The following LRP1B variants were observed in gnomAD, a reference collection of about 807,000 sequenced individuals.
The protein encoded by LRP1B is low-density lipoprotein receptor-related protein 1B.
LRP1B carries 217 observed loss-of-function variants against 556.6 expected under a neutral mutation model. The observed-to-expected ratio is 0.39, with a 90% CI of 0.35 to 0.44. The LOEUF (loss-of-function observed/expected upper bound fraction) is 0.44. LRP1B is among the 20% of genes least tolerant of loss of function. The pLI, the probability that LRP1B is intolerant of heterozygous loss-of-function variation, is 1.00. For missense variants in LRP1B, 5,053 were observed against 5,620.8 expected, an observed-to-expected ratio of 0.90 and a Z score of 3.23; for synonymous variants, 2,047 against 1,865.8, an observed-to-expected ratio of 1.10 and a Z score of -2.50.
intron 43 of LRP1B, among the ~76,000 whole-genome samples, chr2:140,590,988 T>C (rs967560208): frequency 8.5e-5 from 13 of 152,352 alleles, no homozygotes; most frequent in Middle Eastern, 3.4e-3. Flanking sequence ...TTCTTTACTT[T>C]TATCACATTT....
intron 28 of LRP1B, among the ~76,000 whole-genome samples, chr2:140,851,037 G>A (rs1692442420): frequency 6.6e-6 from 1 of 151,804 alleles, no homozygotes; most frequent in South Asian, 2.1e-4. Context: ...TTTAAATTTT[G>A]GTGAGTACTT....
chr2:140,878,567 T>C (rs1446901159), intron 25 of LRP1B, among the ~76,000 whole-genome samples: 2 of 152,174 alleles, frequency 1.3e-5, no homozygotes, highest in Non-Finnish European at 2.9e-5. Context: ...AGATCTTTCA[T>C]AGACAACAGG....
At chr2:140,254,164 A>T (rs186929718) in intron 86 of LRP1B, among the ~76,000 whole-genome samples, 1 of 152,292 alleles carries the variant, frequency 6.6e-6, no homozygotes, top group Admixed American at 6.5e-5. Flanking sequence ...GATGTCTGGC[A>T]TATTCAACTG....
At chr2:140,926,519 A>AT (rs1189283360) in intron 20 of LRP1B, among the ~76,000 whole-genome samples, 1 of 151,862 alleles carries the variant, frequency 6.6e-6, no homozygotes, top group East Asian at 1.9e-4. Context: ...TTAAAAAAAA[A>AT]ATCTGTACAT....
At chr2:141,147,486 A>T (rs889409230) in intron 7 of LRP1B, among the ~76,000 whole-genome samples, 1 of 152,188 alleles carries the variant, frequency 6.6e-6, no homozygotes, top group African/African-American at 2.4e-5. Flanking sequence ...AAATTATGCA[A>T]AAGTAAAATA....
chr2:141,140,961 GC>G (rs1701635919), intron 7 of LRP1B, among the ~76,000 whole-genome samples: 1 of 152,094 alleles, frequency 6.6e-6, no homozygotes, highest in Non-Finnish European at 1.5e-5. Context: ...GTTTAACTGT[GC>G]TGGTCCTTCG....
chr2:141,632,881 A>C (rs1688964758), intron 2 of LRP1B, among the ~76,000 whole-genome samples: 1 of 151,988 alleles, frequency 6.6e-6, no homozygotes, highest in Admixed American at 6.6e-5. Context: ...AAAAAAAAAA[A>C]AAAAAAAGTA....
intron 84 of LRP1B, among the ~76,000 whole-genome samples, chr2:140,280,004 T>G (rs893243633): frequency 6.6e-5 from 10 of 152,014 alleles, no homozygotes; most frequent in African/African-American, 2.4e-4. Context: ...TGAACTTACC[T>G]TTGTTGAAGT....
chr2:141,078,221 A>G (rs1027749584), intron 7 of LRP1B, among the ~76,000 whole-genome samples: 1 of 152,182 alleles, frequency 6.6e-6, no homozygotes, highest in African/African-American at 2.4e-5. Context: ...TGAACCTAGT[A>G]AGCAGTGTCT....
chr2:141,016,503 C>T (rs1697905160), intron 12 of LRP1B, among the ~76,000 whole-genome samples: 1 of 152,010 alleles, frequency 6.6e-6, no homozygotes, highest in Non-Finnish European at 1.5e-5. Context: ...TTTATTGCTG[C>T]TTATTATTAC....
chr2:140,759,921 C>T, intron 35 of LRP1B, among the ~76,000 whole-genome samples: 1 of 152,132 alleles, frequency 6.6e-6, no homozygotes. Flanking sequence ...CTTGAAAGAG[C>T]TTTTATTAAT....
At chr2:142,111,461 A>G (rs1163411842) in intron 1 of LRP1B, among the ~76,000 whole-genome samples, 2 of 152,146 alleles carry the variant, frequency 1.3e-5, no homozygotes, top group African/African-American at 4.8e-5. Flanking sequence ...CTCTCCTTGC[A>G]TTCAAGTATA....
chr2:140,551,326 G>A (rs1006818100), intron 43 of LRP1B, among the ~76,000 whole-genome samples: 1 of 152,148 alleles, frequency 6.6e-6, no homozygotes, highest in Non-Finnish European at 1.5e-5. Flanking sequence ...GGAAAGGGAA[G>A]GGCAAATAAG....
chr2:141,003,759 T>C (rs902093835), intron 15 of LRP1B, among the ~76,000 whole-genome samples: 2 of 151,994 alleles, frequency 1.3e-5, no homozygotes, highest in African/African-American at 2.4e-5. Flanking sequence ...CTAATGCAGA[T>C]AGTAATAGTA....
intron 66 of LRP1B, among the ~76,000 whole-genome samples, chr2:140,438,789 T>TC (rs1686300612): frequency 1.3e-5 from 2 of 152,246 alleles, no homozygotes; most frequent in African/African-American, 4.8e-5. Flanking sequence ...AAGAATCTTT[T>TC]TGATAACTCA....
At chr2:141,729,900 A>G (rs1370466851) in intron 2 of LRP1B, among the ~76,000 whole-genome samples, 1 of 152,126 alleles carries the variant, frequency 6.6e-6, no homozygotes, top group Non-Finnish European at 1.5e-5. Context: ...AGAGTCTGAT[A>G]ACCTGCAAAG....
chr2:141,365,669 T>TTGGTTTTTTTTTTTTTC (rs1689002820), intron 3 of LRP1B, among the ~76,000 whole-genome samples: 1 of 147,278 alleles, frequency 6.8e-6, no homozygotes, highest in South Asian at 2.1e-4. Context: ...TTTTTTTTTT[T>TTGGTTTTTTTTTTTTTC]TGAGACAGAG....
At position 141,858,319 on chromosome 2, in the gene LRP1B, T is replaced by C. The variant is rs372040055; in HGVS notation, c.83-47918A>G. ...ATAAATGTCCATATTTTATAGAACC[T>C]ATTTATTAACACAGTTATTTCCTCA... On this transcript the variant is annotated intron_variant, in intron 1 of 90. Transcript: ENST00000389484. Among the ~76,000 whole-genome samples the C allele has an allele frequency of 7.7e-4, 118 of 152,334 alleles. 2 individuals carry two copies. In the South Asian group the frequency reaches 0.015, roughly 20 times the overall value.
intron 41 of LRP1B, among the ~76,000 whole-genome samples, chr2:140,603,138 A>G (rs1382918358): frequency 6.6e-6 from 1 of 152,066 alleles, no homozygotes; most frequent in Non-Finnish European, 1.5e-5. Context: ...TTGTATATCT[A>G]GTAATATACC....
Sources: allele counts gnomAD v4.1 joint callset (sites outside exome capture counted in the v4.1 genomes callset), GRCh38; gene constraint gnomAD v4.1.1; transcripts MANE v1.5; gene names NCBI Gene and HGNC (gene_info 2026-07-23, HGNC 2026-07-21).